PACRG: variants seen among roughly 807,000 people sequenced by gnomAD.
PACRG encodes the protein parkin coregulated gene protein.
In PACRG, 29 loss-of-function variants were observed where a neutral mutation model predicts 29.7. The ratio of observed to expected loss-of-function variants is 0.98; its 90% confidence interval spans 0.73 to 1.33. PACRG has a LOEUF of 1.33. PACRG is among the 40% of genes most tolerant of loss of function. The pLI is 0.00. For synonymous variants in PACRG, 116 were observed against 118.7 expected (o/e 0.98, Z 0.15); for missense variants, 279 against 316.2 (o/e 0.88, Z 0.89).
At chr6:162,762,521 G>C (rs1782454851) in intron 1 of PACRG, among the ~76,000 whole-genome samples, 1 of 152,104 alleles carries the variant, frequency 6.6e-6, no homozygotes. Flanking sequence ...CTTTTCTTTA[G>C]TGTTGTACTC....
chr6:162,799,911 C>T (rs189676050), intron 1 of PACRG, among the ~76,000 whole-genome samples: 13 of 152,254 alleles, frequency 8.5e-5, no homozygotes, highest in South Asian at 2.1e-4. Flanking sequence ...TGTTTACCAC[C>T]TTTCAACATT....
chr6:163,235,022 G>T (rs1220236446), intron 4 of PACRG, among the ~76,000 whole-genome samples: 1 of 152,284 alleles, frequency 6.6e-6, no homozygotes, highest in East Asian at 1.9e-4. Flanking sequence ...AATGAAGAAA[G>T]ATATGAGCTC....
chr6:163,164,490 G>A (rs375874176), intron 4 of PACRG, among the ~76,000 whole-genome samples: 15 of 152,308 alleles, frequency 9.8e-5, no homozygotes, highest in African/African-American at 3.6e-4. Flanking sequence ...CTCAGTGGGC[G>A]CTGGGGATGG....
intron 4 of PACRG, among the ~76,000 whole-genome samples, chr6:163,307,855 G>A (rs894388273): frequency 6.6e-6 from 1 of 152,180 alleles, no homozygotes. Context: ...AATGAATTTG[G>A]TCCTAGGTTT....
intron 4 of PACRG, among the ~76,000 whole-genome samples, chr6:163,167,621 A>G (rs1043848963): frequency 2.6e-5 from 4 of 152,256 alleles, no homozygotes; most frequent in Admixed American, 2.6e-4. Context: ...GTAAAAAGTA[A>G]TAACATAAAA....
chr6:163,027,695 A>G (rs1420100462), intron 2 of PACRG, among the ~76,000 whole-genome samples: 2 of 152,220 alleles, frequency 1.3e-5, no homozygotes, highest in Non-Finnish European at 2.9e-5. Flanking sequence ...CAGGTTCGGC[A>G]GAGAGCAATA....
At chr6:163,034,669 C>T (rs1355619639) in intron 2 of PACRG, among the ~76,000 whole-genome samples, 3 of 152,150 alleles carry the variant, frequency 2.0e-5, no homozygotes, top group Admixed American at 6.5e-5. Flanking sequence ...TGGGGGATCT[C>T]CTCAGCATCG....
intron 1 of PACRG, among the ~76,000 whole-genome samples, chr6:162,780,246 C>A (rs1390131134): frequency 6.6e-6 from 1 of 152,080 alleles, no homozygotes; most frequent in Non-Finnish European, 1.5e-5. Context: ...GAGTAGAGTT[C>A]TAAAAAGGAT....
chr6:163,066,519 A>C (rs1811558870), intron 3 of PACRG, among the ~76,000 whole-genome samples: 1 of 152,190 alleles, frequency 6.6e-6, no homozygotes. Context: ...TCAAAGCCAC[A>C]TGAAGTGTTG....
intron 4 of PACRG, among the ~76,000 whole-genome samples, chr6:163,148,371 C>T (rs1158441214): frequency 6.6e-6 from 1 of 152,072 alleles, no homozygotes; most frequent in African/African-American, 2.4e-5. Context: ...CAAAGGGATC[C>T]AATGCAAACT....
At chr6:163,256,684 G>A (rs975590525) in intron 4 of PACRG, among the ~76,000 whole-genome samples, 4 of 152,200 alleles carry the variant, frequency 2.6e-5, no homozygotes, top group African/African-American at 7.2e-5. Context: ...GAAGGCAAGA[G>A]TGGTAGGAGG....
At chr6:163,181,726 G>GT (rs972808237) in intron 4 of PACRG, among the ~76,000 whole-genome samples, 6 of 151,672 alleles carry the variant, frequency 4.0e-5, no homozygotes, top group Non-Finnish European at 8.8e-5. Context: ...GTAGTTTGGG[G>GT]TTTTTTCTCA....
chr6:162,850,449 G>T (rs1223235420), intron 2 of PACRG, among the ~76,000 whole-genome samples: 1 of 152,208 alleles, frequency 6.6e-6, no homozygotes, highest in Non-Finnish European at 1.5e-5. Flanking sequence ...TCACTAGAAA[G>T]ACCAAAGCAT....
In PACRG at chr6:163,315,278, T is replaced by C; in HGVS notation, c.*291T>C. ...CAGGAGTCCGAGTTAAACCTTCAGTTGTATAGACAATAAACTATAATTTTC... is the reference window on the plus strand; with the variant it reads ...CAGGAGTCCGAGTTAAACCTTCAGTCGTATAGACAATAAACTATAATTTTC... On this transcript the variant is annotated 3_prime_UTR_variant, in exon 5 of 5. Transcript: ENST00000366888. 1 of 261,658 alleles carries C rather than the reference T, an allele frequency of 3.8e-6. No individual in the cohort carries two copies. Among genetic ancestry groups the C allele is most frequent in the Non-Finnish European group, 7.2e-6 (1 of 138,256 alleles). 16.2% of individuals were successfully genotyped at this position (261,658 alleles called of 1,614,324 possible).
At chr6:163,190,983 C>A (rs200786973) in intron 4 of PACRG, 37 of 455,946 alleles carry the variant, frequency 8.1e-5, no homozygotes, top group African/African-American at 4.6e-4. Flanking sequence ...CCTGAAACAA[C>A]TGAAATCAGA....
intron 4 of PACRG, among the ~76,000 whole-genome samples, chr6:163,251,408 G>T (rs1441675909): frequency 6.6e-6 from 1 of 152,184 alleles, no homozygotes; most frequent in Non-Finnish European, 1.5e-5. Flanking sequence ...TGGAGAACAC[G>T]TCGGGGACTT....
At chr6:163,078,657 G>A (rs1423728205) in intron 3 of PACRG, among the ~76,000 whole-genome samples, 2 of 151,566 alleles carry the variant, frequency 1.3e-5, no homozygotes, top group Non-Finnish European at 2.9e-5. Context: ...CCTAAATTAC[G>A]GCAACATTTT....
chr6:163,254,104 G>C (rs1036898634), intron 4 of PACRG, among the ~76,000 whole-genome samples: 1 of 152,180 alleles, frequency 6.6e-6, no homozygotes, highest in Admixed American at 6.5e-5. Context: ...TTGGGCATCG[G>C]GACAGCAGCA....
chr6:163,248,767 A>C (rs748368792), intron 4 of PACRG, among the ~76,000 whole-genome samples: 18 of 152,140 alleles, frequency 1.2e-4, no homozygotes, highest in Non-Finnish European at 2.2e-4. Context: ...CTTAAGACGA[A>C]GCTGAGGGAG....
Sources: gnomAD v4.1 joint callset for allele counts (sites outside exome capture counted in the v4.1 genomes callset) on GRCh38, gnomAD v4.1.1 for gene constraint, MANE v1.5 for transcripts, NCBI Gene and HGNC (gene_info 2026-07-23, HGNC 2026-07-21) for gene names.